Variants in EXOC4 observed in about 807,000 individuals in gnomAD.
The protein encoded by EXOC4 is SEC8-like 1.
Under a neutral mutation model 107.2 loss-of-function variants are expected in EXOC4, and 71 were observed. The ratio of observed to expected loss-of-function variants is 0.66; its 90% CI spans 0.55 to 0.81. The LOEUF (loss-of-function observed/expected upper bound fraction) is 0.81, where lower values mean the gene tolerates loss of function less well. Ranked by LOEUF, EXOC4 falls within the 30% of genes least tolerant of loss-of-function variation. The pLI, the probability that EXOC4 is intolerant of heterozygous loss-of-function variation, is 0.00. For missense variants in EXOC4, 1,108 were observed against 1,189.6 expected (o/e 0.93, Z 1.01); for synonymous variants, 456 against 441.2 (o/e 1.03, Z -0.42).
chr7:133,611,027 C>T (rs1802065698), intron 9 of EXOC4, among the ~76,000 whole-genome samples: 1 of 144,848 alleles, frequency 6.9e-6, no homozygotes, highest in Admixed American at 7.1e-5. Context: ...TTCACCTGAA[C>T]TCCCGGGCTC....
intron 11 of EXOC4, among the ~76,000 whole-genome samples, chr7:133,853,447 T>G (rs1798283562): frequency 6.6e-6 from 1 of 151,544 alleles, no homozygotes; most frequent in Non-Finnish European, 1.5e-5. Flanking sequence ...CCCAGGCTGG[T>G]CTTGAACTTG....
chr7:133,537,296 A>AC (rs373040586), intron 9 of EXOC4, among the ~76,000 whole-genome samples: 25,348 of 127,156 alleles, frequency 0.2, 2,728 homozygotes, highest in African/African-American at 0.24. Flanking sequence ...GATTACAGGC[A>AC]CCCCCCCCCC....
intron 6 of EXOC4, among the ~76,000 whole-genome samples, chr7:133,360,360 A>G (rs570570937): frequency 9.8e-5 from 15 of 152,346 alleles, no homozygotes; most frequent in African/African-American, 9.6e-5. Flanking sequence ...AATGGTTGGT[A>G]TGTGTGAGGG....
intron 5 of EXOC4, among the ~76,000 whole-genome samples, chr7:133,341,701 A>T (rs1166290841): frequency 6.6e-6 from 1 of 151,992 alleles, no homozygotes; most frequent in Non-Finnish European, 1.5e-5. Flanking sequence ...ATATTTTATA[A>T]ATTTGGGAGC....
chr7:133,326,429 C>G (rs1325499420), intron 5 of EXOC4, among the ~76,000 whole-genome samples: 1 of 152,210 alleles, frequency 6.6e-6, no homozygotes, highest in Non-Finnish European at 1.5e-5. Context: ...TTCTAAGAGT[C>G]AGGACCCTGA....
At chr7:133,867,861 T>C (rs1469215923) in intron 11 of EXOC4, among the ~76,000 whole-genome samples, 7 of 152,230 alleles carry the variant, frequency 4.6e-5, no homozygotes, top group Non-Finnish European at 4.4e-5. Context: ...AGGAAGATTA[T>C]GACTTGTGCA....
intron 1 of EXOC4, among the ~76,000 whole-genome samples, chr7:133,262,673 C>G (rs745717523): frequency 1.3e-5 from 2 of 152,130 alleles, no homozygotes; most frequent in Admixed American, 6.5e-5. Context: ...TGCAGAATCT[C>G]AGGTCCTACC....
chr7:133,739,693 T>G (rs1357394258), intron 10 of EXOC4, among the ~76,000 whole-genome samples: 1 of 152,174 alleles, frequency 6.6e-6, no homozygotes, highest in Non-Finnish European at 1.5e-5. Flanking sequence ...AGCAAAAATG[T>G]CTCTTTTAGC....
At chr7:133,271,944 T>C (rs1216486535) in intron 1 of EXOC4, among the ~76,000 whole-genome samples, 1 of 152,220 alleles carries the variant, frequency 6.6e-6, no homozygotes, top group South Asian at 2.1e-4. Context: ...TTAAGTGATC[T>C]AGTATTTGGG....
chr7:133,437,878 T>G (rs981354850), intron 7 of EXOC4, among the ~76,000 whole-genome samples: 1 of 152,192 alleles, frequency 6.6e-6, no homozygotes, highest in Non-Finnish European at 1.5e-5. Context: ...AAAGAATTAG[T>G]TCAGTTTCTT....
chr7:133,500,834 A>G lies in EXOC4; in HGVS notation c.1417+20696A>G, dbSNP rs572909333. Among the ~76,000 whole-genome samples the G allele has an allele frequency of 1.2e-3, 177 of 152,270 alleles. 1 individual carries two copies. The highest frequency in any genetic ancestry group is 0.01 in the Middle Eastern group (3 of 294). On this transcript the variant is annotated intron_variant, in intron 9 of 17. Coordinates refer to ENST00000253861, the MANE Select transcript of EXOC4 (RefSeq NM_021807.4). ...GTGGTATCTCATTATGGTGGTTTAT[A>G]TTTAATATAACATCTTATTGATGTA...
At chr7:133,406,725 C>T (rs556692420) in intron 7 of EXOC4, among the ~76,000 whole-genome samples, 9 of 152,210 alleles carry the variant, frequency 5.9e-5, no homozygotes, top group Non-Finnish European at 1.0e-4. Context: ...GTATCTGCTT[C>T]TGCAGAAAGT....
intron 14 of EXOC4, among the ~76,000 whole-genome samples, chr7:133,982,896 C>G (rs1350955074): frequency 6.6e-6 from 1 of 152,168 alleles, no homozygotes; most frequent in Non-Finnish European, 1.5e-5. Flanking sequence ...GTTAGGGATA[C>G]AAAGATAAAA....
chr7:133,562,477 T>C (rs1453221451), intron 9 of EXOC4, among the ~76,000 whole-genome samples: 1 of 152,206 alleles, frequency 6.6e-6, no homozygotes, highest in Admixed American at 6.5e-5. Context: ...ACTTCCAGAC[T>C]TGTCATTTTT....
chr7:133,576,379 C>A (rs575459741), intron 9 of EXOC4: 1 of 905,480 alleles, frequency 1.1e-6, no homozygotes, highest in African/African-American at 1.8e-5. Context: ...TGGCTTGTTT[C>A]TTTCATTTTA....
At chr7:133,646,100 C>T (rs17167187) in intron 10 of EXOC4, among the ~76,000 whole-genome samples, 19,763 of 152,144 alleles carry the variant, frequency 0.13, 1,407 homozygotes, top group East Asian at 0.24. Flanking sequence ...ATTTGTTTAA[C>T]GTTGCCTGTC....
intron 10 of EXOC4, among the ~76,000 whole-genome samples, chr7:133,690,603 T>C (rs1401105006): frequency 6.6e-6 from 1 of 152,194 alleles, no homozygotes; most frequent in Non-Finnish European, 1.5e-5. Flanking sequence ...CCCTTTTCCA[T>C]GTGGTGGGAG....
intron 10 of EXOC4, among the ~76,000 whole-genome samples, chr7:133,756,403 C>T (rs866906797): frequency 6.6e-6 from 1 of 152,136 alleles, no homozygotes; most frequent in South Asian, 2.1e-4. Flanking sequence ...CATTATCTCA[C>T]CTGTAGAAAA....
At chr7:133,946,564 A>G (rs553665359) in intron 14 of EXOC4, among the ~76,000 whole-genome samples, 134 of 152,340 alleles carry the variant, frequency 8.8e-4, no homozygotes, top group African/African-American at 3.1e-3. Flanking sequence ...TACTCTGCTT[A>G]TATTTACAAA....
Sources: allele counts gnomAD v4.1 joint callset (sites outside exome capture counted in the v4.1 genomes callset), GRCh38; gene constraint gnomAD v4.1.1; transcripts MANE v1.5; gene names NCBI Gene and HGNC (gene_info 2026-07-23, HGNC 2026-07-21).